CTNNA3: variants seen among roughly 807,000 people sequenced by gnomAD.
CTNNA3 encodes the protein catenin alpha 3.
Under a neutral mutation model 95.7 loss-of-function variants are expected in CTNNA3, and 76 were observed. That is an observed-to-expected ratio of 0.79 (90% CI 0.66 to 0.96). The LOEUF is 0.96. CTNNA3 is among the 40% of genes least tolerant of loss of function. CTNNA3 has a pLI of 0.00. For missense variants in CTNNA3, 1,191 were observed against 1,089.8 expected (o/e 1.09, Z -1.31); for synonymous variants, 431 against 374.4 (o/e 1.15, Z -1.74).
At chr10:65,987,489 C>T (rs1396263296) in intron 16 of CTNNA3, among the ~76,000 whole-genome samples, 2 of 151,756 alleles carry the variant, frequency 1.3e-5, no homozygotes, top group Non-Finnish European at 2.9e-5. Flanking sequence ...ATCATCTTAC[C>T]CCAATTAAAA....
At chr10:67,515,180 A>G (rs959305088) in intron 5 of CTNNA3, among the ~76,000 whole-genome samples, 1 of 152,240 alleles carries the variant, frequency 6.6e-6, no homozygotes, top group Non-Finnish European at 1.5e-5. Context: ...TAAAAAATCC[A>G]TAAGATTTTT....
intron 17 of CTNNA3, among the ~76,000 whole-genome samples, chr10:65,956,402 G>C (rs888915358): frequency 6.6e-6 from 1 of 152,120 alleles, no homozygotes; most frequent in Non-Finnish European, 1.5e-5. Context: ...GTTCTGCTCT[G>C]ATCTTAGTTA....
intron 5 of CTNNA3, among the ~76,000 whole-genome samples, chr10:67,406,081 T>C (rs1420509401): frequency 6.6e-6 from 1 of 152,198 alleles, no homozygotes; most frequent in Non-Finnish European, 1.5e-5. Context: ...CTGATGGTTT[T>C]ATAAGAATCT....
intron 7 of CTNNA3, among the ~76,000 whole-genome samples, chr10:67,074,342 CTTTTTTTTT>C (rs36186252): frequency 1.2e-4 from 8 of 68,726 alleles, no homozygotes; most frequent in African/African-American, 2.1e-4. Context: ...CACTTTAACT[CTTTTTTTTT>C]TTTTTTTTTT....
At chr10:67,128,440 T>C (rs1859831834) in intron 7 of CTNNA3, among the ~76,000 whole-genome samples, 1 of 150,426 alleles carries the variant, frequency 6.6e-6, no homozygotes, top group African/African-American at 2.4e-5. Flanking sequence ...ATCTGATCCT[T>C]TTTTTTTTAA....
At chr10:67,422,955 A>G (rs1420028177) in intron 5 of CTNNA3, among the ~76,000 whole-genome samples, 1 of 152,234 alleles carries the variant, frequency 6.6e-6, no homozygotes. Flanking sequence ...TAAACAAACA[A>G]GAAAAGGTTG....
intron 5 of CTNNA3, among the ~76,000 whole-genome samples, chr10:67,226,056 C>T (rs1359451043): frequency 6.6e-6 from 1 of 152,144 alleles, no homozygotes; most frequent in East Asian, 1.9e-4. Flanking sequence ...AAACATTGGA[C>T]ACACTTTAGT....
At chr10:66,275,187 A>G (rs999011922) in intron 13 of CTNNA3, among the ~76,000 whole-genome samples, 2 of 152,034 alleles carry the variant, frequency 1.3e-5, no homozygotes. Context: ...GCATGATCTC[A>G]GCTCACTGCA....
At chr10:66,880,681 C>A (rs1455243176) in intron 7 of CTNNA3, among the ~76,000 whole-genome samples, 2 of 152,018 alleles carry the variant, frequency 1.3e-5, no homozygotes, top group Non-Finnish European at 2.9e-5. Flanking sequence ...AGCAATGACA[C>A]TTTTTTTCTC....
chr10:66,024,429 G>A (rs899452780), intron 15 of CTNNA3, among the ~76,000 whole-genome samples: 24 of 152,106 alleles, frequency 1.6e-4, no homozygotes, highest in African/African-American at 5.3e-4. Context: ...ACCCAAAGTC[G>A]TTGATACAGT....
chr10:67,234,868 A>C (rs1249821383), intron 5 of CTNNA3, among the ~76,000 whole-genome samples: 3 of 147,674 alleles, frequency 2.0e-5, no homozygotes, highest in Non-Finnish European at 4.4e-5. Context: ...ATACACCAAT[A>C]ACAGACAAAC....
chr10:66,298,896 C>G (rs2091821621), intron 12 of CTNNA3, among the ~76,000 whole-genome samples: 1 of 152,138 alleles, frequency 6.6e-6, no homozygotes. Flanking sequence ...CCCCAAATCA[C>G]TAATCTAAAG....
At chr10:66,710,639 G>T (rs1019241414) in intron 9 of CTNNA3, among the ~76,000 whole-genome samples, 1 of 151,352 alleles carries the variant, frequency 6.6e-6, no homozygotes, top group Non-Finnish European at 1.5e-5. Flanking sequence ...ATTAATATGT[G>T]GCTCCTAAAG....
chr10:66,459,315 T>C (rs1055810945), intron 11 of CTNNA3, among the ~76,000 whole-genome samples: 10 of 152,112 alleles, frequency 6.6e-5, no homozygotes, highest in Admixed American at 5.2e-4. Flanking sequence ...TGAGTATGTG[T>C]AGCTAAGTTT....
rs1174348768 is a variant in CTNNA3, at chr10:66,504,140, A to G, written c.1531+16477T>C. 2.0e-5 allele frequency among the ~76,000 whole-genome samples: 3 copies of G among 152,026 alleles called. No homozygotes were observed. In the East Asian group the frequency reaches 5.8e-4, roughly 29 times the overall value. On this transcript the variant is annotated intron_variant, in intron 11 of 17. Coordinates refer to ENST00000433211, the MANE Select transcript of CTNNA3 (RefSeq NM_013266.4). ...CTATAGTCAGCTTGTTGTATAATAG[A>G]TCTCTTGAACTTATTCCTCCCATTT...
chr10:67,188,160 A>G (rs376485984), intron 6 of CTNNA3, among the ~76,000 whole-genome samples: 20 of 152,378 alleles, frequency 1.3e-4, no homozygotes, highest in African/African-American at 4.6e-4. Flanking sequence ...CAGATTGACC[A>G]GACGTAAGTC....
chr10:66,921,644 C>T lies in CTNNA3; in HGVS notation c.1048-146120G>A, dbSNP rs143795454. Among the ~76,000 whole-genome samples, 271 of 152,308 alleles carry T rather than the reference C, an allele frequency of 1.8e-3. 4 individuals are homozygous for T. Among genetic ancestry groups the T allele is most frequent in the Non-Finnish European group, 3.7e-4 (25 of 68,022 alleles). On this transcript the variant is annotated intron_variant, in intron 7 of 17. Coordinates refer to ENST00000433211, the MANE Select transcript of CTNNA3 (RefSeq NM_013266.4). ...TTAAGTCTCACAAGCTCATATCCTT[C>T]AAGGTTTGCTCAGGCCAGTTTCTTA...
At position 66,687,086 on chromosome 10, in the gene CTNNA3, A is replaced by T. The variant is rs1014484282; in HGVS notation, c.1282-65302T>A. On this transcript the variant is annotated intron_variant, in intron 9 of 17. Transcript: ENST00000433211. ...CAATAAATATGTATTGTTTGGTACAATGTAATGAATATAGAATTAAAAGAA... is the reference window on the plus strand; with the variant it reads ...CAATAAATATGTATTGTTTGGTACATTGTAATGAATATAGAATTAAAAGAA... Among the ~76,000 whole-genome samples the T allele has an allele frequency of 4.6e-5, 7 of 152,136 alleles. No homozygotes were observed. The South Asian group carries it at 1.2e-3, about 27-fold the overall frequency.
At chr10:66,836,334 T>A (rs1842886779) in intron 7 of CTNNA3, among the ~76,000 whole-genome samples, 1 of 152,146 alleles carries the variant, frequency 6.6e-6, no homozygotes, top group Non-Finnish European at 1.5e-5. Context: ...GTCAAACAGA[T>A]GCCCCATCTT....
Sources: allele counts gnomAD v4.1 joint callset (sites outside exome capture counted in the v4.1 genomes callset), GRCh38; gene constraint gnomAD v4.1.1; transcripts MANE v1.5; gene names NCBI Gene and HGNC (gene_info 2026-07-23, HGNC 2026-07-21).